Variants in SYNPR observed in about 807,000 individuals in gnomAD.
SYNPR encodes synaptoporin.
SYNPR carries 23 observed loss-of-function variants against 32.9 expected under a neutral mutation model. The observed-to-expected ratio is 0.70, with a 90% CI of 0.50 to 0.99. The LOEUF (loss-of-function observed/expected upper bound fraction) is 0.99. Among genes scored for constraint, SYNPR ranks in the 50% least tolerant of loss-of-function variants. The probability of loss-of-function intolerance (pLI) is 0.00; values close to 1 mark genes in which losing one functional copy is unlikely to be tolerated. For synonymous variants in SYNPR, 146 were observed against 135.9 expected, an observed-to-expected ratio of 1.07 and a Z score of -0.52; for missense variants, 318 against 349.3, an observed-to-expected ratio of 0.91 and a Z score of 0.71.
At chr3:63,360,710 T>C (rs919592589) in intron 2 of SYNPR, among the ~76,000 whole-genome samples, 3 of 152,194 alleles carry the variant, frequency 2.0e-5, no homozygotes, top group Admixed American at 6.5e-5. Flanking sequence ...CCTAGAACAC[T>C]GTCTGGCCAC....
At chr3:63,283,159 C>T (rs1179996326) in intron 2 of SYNPR, among the ~76,000 whole-genome samples, 1 of 152,148 alleles carries the variant, frequency 6.6e-6, no homozygotes, top group East Asian at 1.9e-4. Context: ...TCATATTTTA[C>T]ATTATTTTCT....
chr3:63,342,488 T>C (rs2087383414), intron 2 of SYNPR, among the ~76,000 whole-genome samples: 1 of 152,220 alleles, frequency 6.6e-6, no homozygotes, highest in Non-Finnish European at 1.5e-5. Flanking sequence ...TGTTGTGTAG[T>C]TATTTTCTTA....
At chr3:63,276,619 T>TC (rs2106913178), upstream of SYNPR, among the ~76,000 whole-genome samples, 1 of 84,488 alleles carries the variant, frequency 1.2e-5, no homozygotes, top group South Asian at 5.1e-4. Context: ...ATAGTGTTAG[T>TC]TCCCCCCACC....
At chr3:63,585,228 G>A (rs189386414) in intron 4 of SYNPR, among the ~76,000 whole-genome samples, 1 of 152,050 alleles carries the variant, frequency 6.6e-6, no homozygotes, top group Admixed American at 6.6e-5. Context: ...CCTAAATAAA[G>A]CATGCAACAT....
chr3:63,345,881 C>T (rs2087431260), intron 2 of SYNPR, among the ~76,000 whole-genome samples: 1 of 151,910 alleles, frequency 6.6e-6, no homozygotes, highest in African/African-American at 2.4e-5. Context: ...GTGGCGCAAT[C>T]TCAGCTCACT....
chr3:63,404,028 C>G (rs2088326591), intron 2 of SYNPR, among the ~76,000 whole-genome samples: 1 of 152,198 alleles, frequency 6.6e-6, no homozygotes, highest in Non-Finnish European at 1.5e-5. Flanking sequence ...TGCCCTACCT[C>G]CAACCACCAT....
At chr3:63,501,510 A>AAAAAGAAAAG (rs796454936) in intron 3 of SYNPR, among the ~76,000 whole-genome samples, 7 of 99,596 alleles carry the variant, frequency 7.0e-5, no homozygotes, top group Admixed American at 1.1e-4. Flanking sequence ...AAAAAAAAAA[A>AAAAAGAAAAG]AAAAGAAAAG....
chr3:63,407,388 T>C (rs2088374552), intron 2 of SYNPR, among the ~76,000 whole-genome samples: 1 of 152,200 alleles, frequency 6.6e-6, no homozygotes, highest in Admixed American at 6.5e-5. Flanking sequence ...CAATGTAATA[T>C]AGTGGTCGAA....
chr3:63,427,194 A>G (rs1699908178), intron 2 of SYNPR, among the ~76,000 whole-genome samples: 1 of 151,086 alleles, frequency 6.6e-6, no homozygotes, highest in Non-Finnish European at 1.5e-5. Context: ...AATAAAATGT[A>G]AAAGGATCTG....
intron 2 of SYNPR, among the ~76,000 whole-genome samples, chr3:63,456,911 A>C (rs1700492742): frequency 6.6e-6 from 1 of 152,090 alleles, no homozygotes; most frequent in African/African-American, 2.4e-5. Context: ...AGGACCAAAC[A>C]CGAATACACC....
intron 2 of SYNPR, among the ~76,000 whole-genome samples, chr3:63,389,414 G>C (rs2088101354): frequency 6.6e-6 from 1 of 152,222 alleles, no homozygotes; most frequent in African/African-American, 2.4e-5. Flanking sequence ...ACGATGGAAA[G>C]TGGCAAACTT....
the SYNPR span, among the ~76,000 whole-genome samples, chr3:63,221,702 T>C: frequency 6.6e-6 from 1 of 152,184 alleles, no homozygotes; most frequent in Non-Finnish European, 1.5e-5. Flanking sequence ...CAGAGTTCTG[T>C]GACTAAATGC....
At chr3:63,285,526 T>C (rs1296220371) in intron 2 of SYNPR, among the ~76,000 whole-genome samples, 2 of 152,218 alleles carry the variant, frequency 1.3e-5, no homozygotes, top group Non-Finnish European at 2.9e-5. Context: ...TGGGTTTAAT[T>C]ACAACCTTCT....
chr3:63,589,185 G>A (rs918210392), intron 4 of SYNPR, among the ~76,000 whole-genome samples: 1 of 151,990 alleles, frequency 6.6e-6, no homozygotes, highest in African/African-American at 2.4e-5. Context: ...ACCATCCAAG[G>A]ACAAAACCTA....
intron 2 of SYNPR, among the ~76,000 whole-genome samples, chr3:63,314,316 T>G (rs2087017129): frequency 1.3e-5 from 2 of 151,576 alleles, no homozygotes; most frequent in African/African-American, 4.8e-5. Context: ...GTGGCTTTAC[T>G]AGTTTACATT....
intron 1 of SYNPR, among the ~76,000 whole-genome samples, chr3:63,230,500 G>A (rs1361839309): frequency 6.6e-6 from 1 of 152,148 alleles, no homozygotes; most frequent in African/African-American, 2.4e-5. Context: ...GAAGATAGAT[G>A]CATATTATGT....
At chr3:63,466,465 T>TC (rs1700682334) in intron 2 of SYNPR, among the ~76,000 whole-genome samples, 3 of 151,966 alleles carry the variant, frequency 2.0e-5, no homozygotes, top group Admixed American at 2.0e-4. Context: ...TTTTTTTTTT[T>TC]CTTTTTGCTA....
Position 63,393,496 on chromosome 3 carries a change from C to CT in SYNPR, c.85-87315dup, listed in dbSNP as rs71631152. 7.2e-3 allele frequency among the ~76,000 whole-genome samples: 605 copies of CT among 84,472 alleles called. 21 individuals are homozygous for CT. The highest frequency in any genetic ancestry group is 0.019 in the Middle Eastern group (2 of 104). The allele number at this position is 84,472 out of a possible 152,430, so 55.4% of individuals were successfully genotyped here. A position where few individuals can be genotyped will look rare whatever the true frequency, so the allele number is the denominator to read the frequency against. On this transcript the variant is annotated intron_variant, in intron 2 of 5. Transcript: ENST00000478300. ...CCTTCCTTCCTTCTTTCTTTCTTCT[C>CT]TTTTTTTTTTTTTTTTTTTTTGACA...
rs140407865 is a variant in SYNPR at position 63,536,834 on chromosome 3, A to G, written c.210-19709A>G. ...CTGATACATGCAACAACATGGATAA[A>G]CCTTCAAAACATCATGCTAAGTAAA... On this transcript the variant is annotated intron_variant, in intron 3 of 5. Transcript: ENST00000478300. 3.1e-3 allele frequency among the ~76,000 whole-genome samples: 478 copies of G among 152,268 alleles called. 2 individuals carry two copies. The highest frequency in any genetic ancestry group is 0.011 in the African/African-American group (462 of 41,562).
Sources: allele counts gnomAD v4.1 joint callset (sites outside exome capture counted in the v4.1 genomes callset), GRCh38; gene constraint gnomAD v4.1.1; transcripts MANE v1.5; gene names NCBI Gene and HGNC (gene_info 2026-07-23, HGNC 2026-07-21).